The following FOCAD variants were observed in gnomAD, a reference collection of about 807,000 sequenced individuals.
FOCAD encodes focadhesin.
FOCAD carries 198 observed loss-of-function variants against 225.6 expected under a neutral mutation model. The ratio of observed to expected loss-of-function variants is 0.88; its 90% confidence interval spans 0.78 to 0.99. The LOEUF (loss-of-function observed/expected upper bound fraction) is 0.99. Among genes scored for constraint, FOCAD ranks in the 50% least tolerant of loss-of-function variants. The probability of loss-of-function intolerance (pLI) is 0.00; values close to 1 mark genes in which losing one functional copy is unlikely to be tolerated. For synonymous variants in FOCAD, 897 were observed against 755.0 expected (o/e 1.19, Z -3.08); for missense variants, 2,713 against 2,123.6 (o/e 1.28, Z -5.46).
At chr9:20,910,772 G>A (rs947469596) in intron 22 of FOCAD, among the ~76,000 whole-genome samples, 7 of 152,164 alleles carry the variant, frequency 4.6e-5, no homozygotes, top group Admixed American at 3.3e-4. Context: ...ATTGGAAGGC[G>A]CCATGGATCT....
chr9:20,952,286 T>G (rs1325437164), intron 34 of FOCAD: 1 of 152,214 alleles, frequency 6.6e-6, no homozygotes, highest in African/African-American at 2.4e-5. Flanking sequence ...CTGAACAAAA[T>G]GATTGTGTAT....
At chr9:20,746,499 C>T (rs1031909083) in intron 5 of FOCAD, among the ~76,000 whole-genome samples, 1 of 152,066 alleles carries the variant, frequency 6.6e-6, no homozygotes, top group African/African-American at 2.4e-5. Context: ...TTTTAAAGTT[C>T]GAGAAAAGTT....
intron 4 of FOCAD, among the ~76,000 whole-genome samples, chr9:20,739,325 T>G (rs1827408148): frequency 6.6e-6 from 1 of 152,202 alleles, no homozygotes; most frequent in South Asian, 2.1e-4. Context: ...ACTTTTTGGC[T>G]GGGCACAGTG....
rs74609544 is a variant in FOCAD, at chr9:20,794,902, A to G, written c.1455+5294A>G. 4.9e-4 allele frequency among the ~76,000 whole-genome samples: 74 copies of G among 152,326 alleles called. No individual in the cohort carries two copies. In the East Asian group the frequency reaches 0.014, roughly 29 times the overall value. On this transcript the variant is annotated intron_variant, in intron 11 of 43. Coordinates refer to ENST00000338382, the MANE Select transcript of FOCAD (RefSeq NM_001375567.1). ...TTTGTGAGAATTTGATAATGTTTCA[A>G]TATTTCAATAATTTTTTTCTTACTC...
In FOCAD at chr9:20,814,354, T is replaced by C. The variant is rs565569827; in HGVS notation, c.1456-5442T>C. 5.9e-5 allele frequency among the ~76,000 whole-genome samples: 9 copies of C among 152,034 alleles called. No individual in the cohort carries two copies. In the South Asian group the frequency reaches 1.7e-3, roughly 28 times the overall value. On this transcript the variant is annotated intron_variant, in intron 11 of 43. Coordinates refer to ENST00000338382, the MANE Select transcript of FOCAD (RefSeq NM_001375567.1). ...ATCACTCATTTTCTTTTCTTTTTTC[T>C]TTTTTTCTTTTTTTTTTCTGAGATG... is the stretch of plus-strand genomic sequence containing the variant.
intron 41 of FOCAD, 120 bp downstream of exon 41, chr9:20,988,549 C>T (rs762023643): frequency 5.6e-6 from 2 of 354,260 alleles, no homozygotes; most frequent in Non-Finnish European, 1.0e-5. Context: ...TTTGCACCAA[C>T]CTAAAATATA....
intron 6 of FOCAD, among the ~76,000 whole-genome samples, chr9:20,762,483 G>T (rs1344207294): frequency 2.6e-5 from 4 of 152,172 alleles, no homozygotes; most frequent in African/African-American, 9.7e-5. Flanking sequence ...ATGTAGATGA[G>T]TGAGGTATAC....
chr9:20,711,419 A>C lies in FOCAD; in HGVS notation c.-32-3903A>C, dbSNP rs1003979121. Among the ~76,000 whole-genome samples the C allele has an allele frequency of 7.2e-5, 11 of 152,224 alleles. No homozygotes were observed. The East Asian group carries it at 2.1e-3, about 29-fold the overall frequency. ...TCCAACAAACAATTGAAAACCCGCTATGAAAATTTCACAGGGAAATGATAT... is the reference window on the plus strand; with the variant it reads ...TCCAACAAACAATTGAAAACCCGCTCTGAAAATTTCACAGGGAAATGATAT... On this transcript the variant is annotated intron_variant, in intron 1 of 43. Coordinates refer to ENST00000338382, the MANE Select transcript of FOCAD (RefSeq NM_001375567.1).
chr9:20,671,807 C>G (rs1013097319), intron 2 of FOCAD, among the ~76,000 whole-genome samples: 3 of 152,190 alleles, frequency 2.0e-5, no homozygotes, highest in Non-Finnish European at 4.4e-5. Flanking sequence ...ATCTGACATA[C>G]ACAGACACCT....
At chr9:20,901,565 A>G (rs1347900100) in intron 21 of FOCAD, among the ~76,000 whole-genome samples, 1 of 151,920 alleles carries the variant, frequency 6.6e-6, no homozygotes, top group Non-Finnish European at 1.5e-5. Flanking sequence ...GTGGAATGCA[A>G]TAACAAATTT....
chr9:20,766,702 A>G (rs1211318852), intron 7 of FOCAD, among the ~76,000 whole-genome samples: 1 of 149,388 alleles, frequency 6.7e-6, no homozygotes, highest in African/African-American at 2.5e-5. Flanking sequence ...TAATCTCTCC[A>G]TTGCAAATGG....
At chr9:20,888,417 G>A (rs1831312877) in intron 21 of FOCAD, among the ~76,000 whole-genome samples, 1 of 151,982 alleles carries the variant, frequency 6.6e-6, no homozygotes, top group Non-Finnish European at 1.5e-5. Context: ...AATTACAGGC[G>A]TGAGCCACTG....
intron 15 of FOCAD, among the ~76,000 whole-genome samples, chr9:20,833,083 A>T (rs1825670677): frequency 6.6e-6 from 1 of 151,980 alleles, no homozygotes; most frequent in Non-Finnish European, 1.5e-5. Flanking sequence ...GAACCTCTAT[A>T]CTGTTTTCTG....
intron 11 of FOCAD, among the ~76,000 whole-genome samples, chr9:20,798,395 T>C (rs1490188284): frequency 6.6e-6 from 1 of 152,138 alleles, no homozygotes; most frequent in African/African-American, 2.4e-5. Context: ...TCTTTTTCTA[T>C]TGATTGGAAT....
intron 1 of FOCAD, among the ~76,000 whole-genome samples, chr9:20,694,849 A>T (rs893056861): frequency 6.6e-6 from 1 of 152,218 alleles, no homozygotes; most frequent in Non-Finnish European, 1.5e-5. Context: ...ATTCCTAAAT[A>T]TTATCCAATA....
chr9:20,835,156 A>C (rs1263560332), intron 15 of FOCAD, among the ~76,000 whole-genome samples: 1 of 152,056 alleles, frequency 6.6e-6, no homozygotes, highest in Non-Finnish European at 1.5e-5. Flanking sequence ...TTCTTTTTAC[A>C]GTATGTTATT....
chr9:20,764,105 G>C (rs1283583636), intron 6 of FOCAD, among the ~76,000 whole-genome samples: 1 of 152,170 alleles, frequency 6.6e-6, no homozygotes, highest in Admixed American at 6.5e-5. Flanking sequence ...AGGTTAACAA[G>C]TAAATGTTAA....
At chr9:20,659,927 G>A (rs1821661765) in intron 2 of FOCAD, among the ~76,000 whole-genome samples, 1 of 152,208 alleles carries the variant, frequency 6.6e-6, no homozygotes, top group African/African-American at 2.4e-5. Context: ...AAAAATTAAT[G>A]GAGAGAGAGT....
At chr9:20,716,172 C>G (rs1252967609) in intron 2 of FOCAD, 1 of 473,252 alleles carries the variant, frequency 2.1e-6, no homozygotes, top group South Asian at 1.6e-5. Flanking sequence ...AGATTCCCTT[C>G]TACCTGGCTG....
Sources: allele counts gnomAD v4.1 joint callset (sites outside exome capture counted in the v4.1 genomes callset), GRCh38; gene constraint gnomAD v4.1.1; transcripts MANE v1.5; gene names NCBI Gene and HGNC (gene_info 2026-07-23, HGNC 2026-07-21).